Variants in PTK2 observed in about 807,000 individuals in gnomAD.
PTK2 encodes protein tyrosine kinase 2.
A neutral mutation model predicts 150.1 loss-of-function variants in PTK2; 45 were observed. The observed-to-expected ratio is 0.30, with a 90% CI of 0.24 to 0.38. The LOEUF is 0.38. Ranked by LOEUF, PTK2 falls within the 10% of genes least tolerant of loss-of-function variation. The pLI is 1.00. For synonymous variants in PTK2, 432 were observed against 449.2 expected (o/e 0.96, Z 0.48); for missense variants, 919 against 1,307.3 (o/e 0.70, Z 4.58).
At chr8:140,907,128 C>T (rs1260448150) in intron 2 of PTK2, among the ~76,000 whole-genome samples, 1 of 152,150 alleles carries the variant, frequency 6.6e-6, no homozygotes. Flanking sequence ...TCCAACTGGT[C>T]CTAGCGAAAA....
intron 2 of PTK2, chr8:140,920,667 C>T: frequency 2.7e-6 from 2 of 753,694 alleles, no homozygotes; most frequent in Non-Finnish European, 3.9e-6. Flanking sequence ...TATGTAATAG[C>T]TGTAAACCCA....
chr8:140,674,426 C>T, intron 28 of PTK2, 22 bp from the exon 32 acceptor site: 1 of 1,557,186 alleles, frequency 6.4e-7, no homozygotes, highest in South Asian at 1.2e-5. Flanking sequence ...GAATGATTCC[C>T]ATTAAGTCAT....
At chr8:140,792,856 T>C (rs1273567150) in intron 13 of PTK2, among the ~76,000 whole-genome samples, 1 of 152,258 alleles carries the variant, frequency 6.6e-6, no homozygotes, top group African/African-American at 2.4e-5. Flanking sequence ...GATTTTAACA[T>C]TCATATCTTA....
At chr8:140,678,969 T>TCAGCCAGCTCACGGC (rs1745593007) in intron 27 of PTK2, among the ~76,000 whole-genome samples, 1 of 149,726 alleles carries the variant, frequency 6.7e-6, no homozygotes, top group East Asian at 2.0e-4. Flanking sequence ...CTGTTTCCAG[T>TCAGCCAGCTCACGGC]CAGCCAGCTC....
chr8:140,738,194 G>T lies in PTK2; in HGVS notation c.1825+824C>A, dbSNP rs145201780. ...TGACAAAGAGAGAAAGTGTAGGAAA[G>T]GTAAAGAAAGGAAGAAGCCTTCAAG... On this transcript the variant is annotated intron_variant, in intron 21 of 31. Coordinates refer to ENST00000522684, the Ensembl canonical transcript of PTK2. 4.5e-3 allele frequency among the ~76,000 whole-genome samples: 686 copies of T among 152,232 alleles called. 4 individuals are homozygous for T. The highest frequency in any genetic ancestry group is 0.016 in the African/African-American group (649 of 41,536).
intron 10 of PTK2, among the ~76,000 whole-genome samples, chr8:140,817,581 T>C (rs1361031396): frequency 1.3e-5 from 2 of 152,320 alleles, no homozygotes; most frequent in East Asian, 3.9e-4. Flanking sequence ...ACTTTTCATC[T>C]CGGTACTTAT....
rs548587447 is a variant in PTK2 at position 140,742,001 on chromosome 8, T to A, written c.1735+1229A>T. On this transcript the variant is annotated intron_variant, in intron 20 of 31. Transcript: ENST00000522684. ...TCTACAAAAAATTAGCCAGGCATGG[T>A]GGCGCACGCCCGTAGTACCAGCAAT... Among the ~76,000 whole-genome samples, 11 of 152,276 alleles carry A rather than the reference T, an allele frequency of 7.2e-5. No homozygotes were observed. In the South Asian group the frequency reaches 2.1e-3, roughly 29 times the overall value.
chr8:140,899,695 T>C (rs2100157677), intron 2 of PTK2, among the ~76,000 whole-genome samples: 1 of 151,822 alleles, frequency 6.6e-6, no homozygotes, highest in Non-Finnish European at 1.5e-5. Context: ...AACACAAATA[T>C]CCTCAACAAA....
At chr8:140,933,830 T>C (rs1203825062) in intron 1 of PTK2, among the ~76,000 whole-genome samples, 1 of 152,148 alleles carries the variant, frequency 6.6e-6, no homozygotes. Context: ...GTACTCATTG[T>C]ATAGTATGAG....
chr8:140,697,639 G>C (rs1297132295), intron 26 of PTK2, among the ~76,000 whole-genome samples: 1 of 152,036 alleles, frequency 6.6e-6, no homozygotes, highest in Non-Finnish European at 1.5e-5. Context: ...GGCCAGGCCG[G>C]TCTCGAACTC....
intron 2 of PTK2, among the ~76,000 whole-genome samples, chr8:140,912,432 C>A (rs898922479): frequency 6.6e-5 from 10 of 151,780 alleles, no homozygotes; most frequent in African/African-American, 2.4e-4. Context: ...AGCTTGAGAT[C>A]AGCCTGGGCA....
chr8:140,889,647 A>G (rs1012224405), intron 3 of PTK2, among the ~76,000 whole-genome samples: 1 of 151,848 alleles, frequency 6.6e-6, no homozygotes, highest in Admixed American at 6.6e-5. Context: ...AAAAAGAAAG[A>G]AAAGAAAAGA....
intron 24 of PTK2, among the ~76,000 whole-genome samples, chr8:140,705,299 G>A (rs924680179): frequency 6.6e-6 from 1 of 152,168 alleles, no homozygotes; most frequent in African/African-American, 2.4e-5. Context: ...GAAGGAAGTA[G>A]GAAAGGTTAA....
chr8:140,904,972 T>A (rs13277099), intron 2 of PTK2, among the ~76,000 whole-genome samples: 1 of 151,892 alleles, frequency 6.6e-6, no homozygotes, highest in African/African-American at 2.4e-5. Flanking sequence ...TTTTTGAAAG[T>A]TTTTTTGTAT....
intron 1 of PTK2, among the ~76,000 whole-genome samples, chr8:140,951,393 A>G (rs765223106): frequency 2.6e-5 from 4 of 152,212 alleles, no homozygotes; most frequent in Non-Finnish European, 5.9e-5. Flanking sequence ...TAAGGGACCT[A>G]TATCTCAGCA....
intron 5 of PTK2, among the ~76,000 whole-genome samples, chr8:140,861,538 T>C (rs1328170514): frequency 1.3e-5 from 2 of 152,140 alleles, no homozygotes; most frequent in African/African-American, 2.4e-5. Context: ...TCCCATAATG[T>C]GCAGCTCACA....
chr8:140,876,916 G>C (rs1375074261), intron 4 of PTK2, among the ~76,000 whole-genome samples: 2 of 150,464 alleles, frequency 1.3e-5, no homozygotes, highest in Non-Finnish European at 2.9e-5. Flanking sequence ...TAAATATACA[G>C]AACCATCAGT....
intron 22 of PTK2, among the ~76,000 whole-genome samples, chr8:140,726,617 A>G (rs535253266): frequency 4.2e-5 from 6 of 143,970 alleles, no homozygotes; most frequent in South Asian, 2.1e-4. Flanking sequence ...GGTGCTGGGG[A>G]AAAAAAAAAT....
intron 5 of PTK2, among the ~76,000 whole-genome samples, chr8:140,860,340 G>A (rs1015869130): frequency 6.6e-6 from 1 of 152,132 alleles, no homozygotes; most frequent in Non-Finnish European, 1.5e-5. Flanking sequence ...TCCAATCATA[G>A]GGAACTGCCA....
Sources: allele counts gnomAD v4.1 joint callset (sites outside exome capture counted in the v4.1 genomes callset), GRCh38; gene constraint gnomAD v4.1.1; transcripts MANE v1.5; gene names NCBI Gene and HGNC (gene_info 2026-07-23, HGNC 2026-07-21).